OCA2: variants seen among roughly 807,000 people sequenced by gnomAD.
OCA2 encodes the protein OCA2 melanosomal transmembrane protein.
A neutral mutation model predicts 100.2 loss-of-function variants in OCA2; 77 were observed. That is an observed-to-expected ratio of 0.77 (90% CI 0.64 to 0.93). OCA2 has a LOEUF of 0.93. Among genes scored for constraint, OCA2 ranks in the 40% least tolerant of loss-of-function variants. The probability of loss-of-function intolerance (pLI) is 0.00; values close to 1 mark genes in which losing one functional copy is unlikely to be tolerated. For missense variants in OCA2, 1,062 were observed against 1,089.1 expected (o/e 0.98, Z 0.35); for synonymous variants, 432 against 439.2 (o/e 0.98, Z 0.21).
the OCA2 span, among the ~76,000 whole-genome samples, chr15:27,720,274 C>G: frequency 8.6e-5 from 13 of 151,736 alleles, no homozygotes; most frequent in Admixed American, 7.9e-4. Flanking sequence ...CATTAGAATA[C>G]TACTTAGGGG....
At chr15:27,834,294 A>G (rs4778123) in intron 23 of OCA2, among the ~76,000 whole-genome samples, 114,470 of 152,128 alleles carry the variant, frequency 0.75, 44,469 homozygotes, top group East Asian at 1. Context: ...GAACGAATTC[A>G]TGTGTCAGGA....
intron 19 of OCA2, among the ~76,000 whole-genome samples, chr15:27,894,954 G>A (rs1051087412): frequency 8.5e-5 from 13 of 152,304 alleles, no homozygotes; most frequent in African/African-American, 3.1e-4. Context: ...CATATTTAAG[G>A]TTGGATTGTG....
chr15:27,846,197 A>C (rs1322020320), intron 22 of OCA2, among the ~76,000 whole-genome samples: 1 of 152,118 alleles, frequency 6.6e-6, no homozygotes, highest in Non-Finnish European at 1.5e-5. Context: ...CTGTTGCACC[A>C]ACGGTTCCAT....
intron 23 of OCA2, among the ~76,000 whole-genome samples, chr15:27,801,607 A>G (rs372491144): frequency 7.9e-5 from 12 of 151,342 alleles, no homozygotes; most frequent in African/African-American, 2.4e-4. Context: ...GATCAAGTGA[A>G]GTTTATCCAG....
intron 9 of OCA2, among the ~76,000 whole-genome samples, chr15:28,003,532 T>C (rs1326872910): frequency 6.6e-6 from 1 of 150,538 alleles, no homozygotes; most frequent in Admixed American, 6.6e-5. Context: ...GAGTAAAATG[T>C]GGAAAAACCA....
At chr15:27,955,287 C>T in intron 16 of OCA2, 72 bp from the exon 17 acceptor site, 7 of 1,150,564 alleles carry the variant, frequency 6.1e-6, no homozygotes, top group Non-Finnish European at 9.2e-6. Flanking sequence ...GCAGCAGTCC[C>T]CAGCGCTTCG....
intron 2 of OCA2, among the ~76,000 whole-genome samples, chr15:28,064,654 A>G (rs1293033601): frequency 6.6e-6 from 1 of 151,886 alleles, no homozygotes; most frequent in African/African-American, 2.4e-5. Flanking sequence ...TGATAGACTC[A>G]TTTTGTTCAT....
At chr15:27,780,461 T>C (rs1429520846) in intron 23 of OCA2, among the ~76,000 whole-genome samples, 3 of 152,290 alleles carry the variant, frequency 2.0e-5, no homozygotes, top group Non-Finnish European at 4.4e-5. Context: ...GCAGTCCAAG[T>C]GCATGGAATT....
At chr15:27,969,289 G>C (rs1452192609) in intron 14 of OCA2, among the ~76,000 whole-genome samples, 1 of 151,970 alleles carries the variant, frequency 6.6e-6, no homozygotes, top group African/African-American at 2.4e-5. Flanking sequence ...ACACAGCACT[G>C]AGTGAAGCAT....
chr15:28,024,704 C>T, intron 5 of OCA2, 141 bp downstream of exon 5: 1 of 905,576 alleles, frequency 1.1e-6, no homozygotes, highest in East Asian at 2.5e-5. Context: ...CCCTCAGCAT[C>T]TCCTCCAAAG....
chr15:27,973,168 T>A (rs1214708754), intron 14 of OCA2, among the ~76,000 whole-genome samples: 2 of 152,106 alleles, frequency 1.3e-5, no homozygotes, highest in African/African-American at 4.8e-5. Flanking sequence ...CCATGCCCAG[T>A]CTGCATTAGC....
chr15:28,026,778 G>A (rs758416324), intron 4 of OCA2, among the ~76,000 whole-genome samples: 22 of 152,192 alleles, frequency 1.4e-4, no homozygotes, highest in South Asian at 2.1e-4. Context: ...CGTGCAGGCG[G>A]GTACACTTCC....
intron 2 of OCA2, among the ~76,000 whole-genome samples, chr15:28,078,955 G>C (rs1296275165): frequency 6.6e-6 from 1 of 152,172 alleles, no homozygotes; most frequent in Non-Finnish European, 1.5e-5. Context: ...TTGCACCTGA[G>C]CTGCCTGGGA....
chr15:28,027,947 G>A lies in OCA2; in HGVS notation c.439C>T (p.Leu147=), dbSNP rs774874107. 2 of 1,614,204 alleles carry A rather than the reference G, an allele frequency of 1.2e-6. No homozygotes were observed. The highest frequency in any genetic ancestry group is 2.7e-5 in the African/African-American group (2 of 75,066). ...RYLLSREVSG[L]SASASSEKGD... ...TTCTCGGAGGAGGCAGATGCAGACA[G>A]ACCAGACACCTCCCTGCTTAGCAGG... The change falls in exon 4 of 24, where the codon CTG becomes TTG. Residue 147 remains leucine, a synonymous_variant. Transcript: ENST00000354638.
intron 19 of OCA2, among the ~76,000 whole-genome samples, chr15:27,900,718 G>C (rs866355446): frequency 6.6e-6 from 1 of 152,180 alleles, no homozygotes; most frequent in Non-Finnish European, 1.5e-5. Context: ...TCAATTCTCA[G>C]AGGGAACTAG....
chr15:27,970,767 T>TC (rs2040754119), intron 14 of OCA2, among the ~76,000 whole-genome samples: 1 of 151,490 alleles, frequency 6.6e-6, no homozygotes, highest in Non-Finnish European at 1.5e-5. Flanking sequence ...ATAAAGAACA[T>TC]CCCAGCATGC....
chr15:27,997,665 T>C (rs2041794698), intron 9 of OCA2, among the ~76,000 whole-genome samples: 1 of 133,120 alleles, frequency 7.5e-6, no homozygotes, highest in African/African-American at 2.5e-5. Context: ...ATGCGGGCTC[T>C]TTTTTGGTTC....
chr15:27,814,652 C>G (rs566789228), intron 23 of OCA2, among the ~76,000 whole-genome samples: 2 of 152,262 alleles, frequency 1.3e-5, no homozygotes, highest in South Asian at 4.1e-4. Context: ...CCGAGGCAGG[C>G]AGATCCCTTG....
At chr15:28,094,365 C>T (rs888743425) in intron 1 of OCA2, among the ~76,000 whole-genome samples, 1 of 152,150 alleles carries the variant, frequency 6.6e-6, no homozygotes, top group African/African-American at 2.4e-5. Context: ...GCAGAGCTCC[C>T]GCCCGTAGGG....
Sources: gnomAD v4.1 joint callset for allele counts (sites outside exome capture counted in the v4.1 genomes callset) on GRCh38, gnomAD v4.1.1 for gene constraint, MANE v1.5 for transcripts, NCBI Gene and HGNC (gene_info 2026-07-23, HGNC 2026-07-21) for gene names.